The following INTS6L variants were observed in gnomAD, a reference collection of about 807,000 sequenced individuals.
INTS6L encodes integrator complex subunit 6 like.
A neutral mutation model predicts 64.7 loss-of-function variants in INTS6L; 18 were observed. The observed-to-expected ratio is 0.28, with a 90% CI of 0.19 to 0.41. INTS6L has a LOEUF of 0.41. Among genes scored for constraint, INTS6L ranks in the 10% least tolerant of loss-of-function variants. The pLI, the probability that INTS6L is intolerant of heterozygous loss-of-function variation, is 1.00. For missense variants in INTS6L, 533 were observed against 661.0 expected (o/e 0.81, Z 2.12); for synonymous variants, 227 against 235.9 (o/e 0.96, Z 0.34).
At chrX:135,554,027 G>A (rs1356714230) in intron 8 of INTS6L, among the ~76,000 whole-genome samples, 1 of 111,648 alleles carries the variant, frequency 9.0e-6, no homozygotes, top group African/African-American at 3.3e-5. Context: ...AGAATAAAAT[G>A]AACCAGTAGC....
intron 2 of INTS6L, among the ~76,000 whole-genome samples, chrX:135,539,630 C>G (rs1556511589): frequency 8.9e-6 from 1 of 112,344 alleles, no homozygotes; most frequent in Non-Finnish European, 1.9e-5. Context: ...GCCTAGCTAT[C>G]TCAGCTTTCG....
chrX:135,534,014 AG>A (rs2085981446), intron 2 of INTS6L, among the ~76,000 whole-genome samples: 1 of 110,749 alleles, frequency 9.0e-6, no homozygotes, highest in Non-Finnish European at 1.9e-5. Flanking sequence ...GGAGGAGAAA[AG>A]CTTCTAAAAT....
At position 135,581,564 on chromosome X, in the gene INTS6L, G is replaced by T; in HGVS notation, c.2625G>T (p.Lys875Asn). 1 of 1,209,456 alleles carries T rather than the reference G, an allele frequency of 8.3e-7. No homozygotes were observed. The highest frequency in any genetic ancestry group is 1.1e-6 in the Non-Finnish European group (1 of 894,282). ...GAGTCCTAATTCAGTACCTTGAGAA[G>T]GTACTAGAAAAAATAAATTCCCACC... Reference protein sequence around the residue: ...KRRVLIQYLEKVLEKINSHHL... With the variant: ...KRRVLIQYLENVLEKINSHHL... The change falls in exon 18 of 18, where the codon AAG becomes AAT. Residue 875 changes from lysine (K) to asparagine (N), a missense_variant. Lys to Asn is a moderately conservative substitution (Grantham distance 94, BLOSUM62 0). Transcript: ENST00000639893.
Position 135,581,802 on chromosome X carries a change from G to A in INTS6L, c.*166G>A, listed in dbSNP as rs1376617056. On this transcript the variant is annotated 3_prime_UTR_variant, in exon 18 of 18. Transcript: ENST00000639893. Reference sequence around the variant, plus strand: ...ATGATTATCTGGCAGTGAAAGCTGGGCTTTTGCCTTAATAATTTTTTAAAG... The same window carrying A: ...ATGATTATCTGGCAGTGAAAGCTGGACTTTTGCCTTAATAATTTTTTAAAG... The A allele has an allele frequency of 2.4e-6, 1 of 422,886 alleles. No individual in the cohort carries two copies. Among genetic ancestry groups the A allele is most frequent in the Non-Finnish European group, 4.1e-6 (1 of 244,389 alleles). The allele number at this position is 422,886 out of a possible 1,213,427, so 34.9% of individuals were successfully genotyped here.
intron 9 of INTS6L, among the ~76,000 whole-genome samples, chrX:135,564,774 TATG>T (rs1212339006): frequency 1.0e-4 from 11 of 109,766 alleles, no homozygotes; most frequent in African/African-American, 3.6e-4. Flanking sequence ...TGGTTCTTGG[TATG>T]ATGAGTGATT....
intron 9 of INTS6L, among the ~76,000 whole-genome samples, chrX:135,562,389 T>C (rs1418515514): frequency 6.2e-5 from 7 of 112,531 alleles, no homozygotes; most frequent in Non-Finnish European, 1.1e-4. Flanking sequence ...TCTACTCTTA[T>C]AAATATGTTG....
chrX:135,520,892 C>T lies in INTS6L; in HGVS notation c.-101C>T, dbSNP rs2148540334. ...CTCCCCCTCTTCCTCTTGCTCCTTGCTCCCCGGCTCTGCGAGAGTTGAGGG... is the reference window on the plus strand; with the variant it reads ...CTCCCCCTCTTCCTCTTGCTCCTTGTTCCCCGGCTCTGCGAGAGTTGAGGG... On this transcript the variant is annotated 5_prime_UTR_variant, in exon 1 of 18. Coordinates refer to ENST00000639893, the MANE Select transcript of INTS6L (RefSeq NM_001351601.3). 2.3e-6 allele frequency: 2 copies of T among 885,443 alleles called. No homozygotes were observed. The highest frequency in any genetic ancestry group is 1.6e-6 in the Non-Finnish European group (1 of 618,322). 73.0% of individuals were successfully genotyped at this position (885,443 alleles called of 1,213,427 possible).
chrX:135,574,150 C>T, intron 13 of INTS6L, 88 bp downstream of exon 13: 2 of 962,744 alleles, frequency 2.1e-6, no homozygotes, highest in East Asian at 7.1e-5. Flanking sequence ...AATGAGTAGG[C>T]TATTTTATAG....
Position 135,577,425 on chromosome X carries a change from C to G in INTS6L, c.2117C>G (p.Thr706Arg), listed in dbSNP as rs1556531726. ...CTCATAAAACCCACCCTTGTACATA[C>G]AGGTATAGAGTAGTGGTTGTGATTT... is the stretch of plus-strand genomic sequence containing the variant. ...PNLIKPTLVH[T>R]DATIIHDGHE... The change falls in exon 15 of 18, where the codon ACA becomes AGA. Residue 706 changes from threonine to arginine, a missense_variant and splice_region_variant. Transcript: ENST00000639893. 8.3e-7 allele frequency: 1 copy of G among 1,209,886 alleles called. No individual in the cohort carries two copies. The highest frequency in any genetic ancestry group is 1.1e-6 in the Non-Finnish European group (1 of 893,889).
intron 2 of INTS6L, among the ~76,000 whole-genome samples, chrX:135,542,916 C>G (rs1235672162): frequency 9.0e-6 from 1 of 111,731 alleles, no homozygotes; most frequent in Non-Finnish European, 1.9e-5. Context: ...TACAAGTTTG[C>G]CAAAGCCAGA....
At chrX:135,526,666 A>T (rs782302663) in intron 2 of INTS6L, among the ~76,000 whole-genome samples, 1 of 112,204 alleles carries the variant, frequency 8.9e-6, no homozygotes, top group Admixed American at 9.5e-5. Flanking sequence ...TTAGCATGTT[A>T]TATGGGGACT....
chrX:135,536,450 G>GT (rs1448525038), intron 2 of INTS6L, among the ~76,000 whole-genome samples: 1 of 111,522 alleles, frequency 9.0e-6, no homozygotes, highest in Non-Finnish European at 1.9e-5. Flanking sequence ...ATTATACTGT[G>GT]TTATAACATT....
At chrX:135,575,009 A>G (rs2087184931) in intron 13 of INTS6L, 75 bp from the exon 14 acceptor site, 3 of 1,112,561 alleles carry the variant, frequency 2.7e-6, no homozygotes, top group Non-Finnish European at 3.6e-6. Flanking sequence ...GCTAAACCAA[A>G]CTATGATCAT....
At chrX:135,524,185 A>T (rs1292817641) in intron 2 of INTS6L, among the ~76,000 whole-genome samples, 1 of 111,414 alleles carries the variant, frequency 9.0e-6, no homozygotes, top group Non-Finnish European at 1.9e-5. Flanking sequence ...TTAGGATCTA[A>T]CCAGCTTGGA....
In INTS6L at chrX:135,547,270, A is replaced by G; in HGVS notation, c.742+5A>G. Reference sequence around the variant, plus strand: ...ATCCACTTCCTATTGGAGAAGGTATAGTAGATAACTTTTTTAACCCTAAAG... The same window carrying G: ...ATCCACTTCCTATTGGAGAAGGTATGGTAGATAACTTTTTTAACCCTAAAG... On this transcript the variant is annotated splice_donor_5th_base_variant and intron_variant, in intron 6 of 17. Transcript: ENST00000639893. The G allele has an allele frequency of 3.3e-6, 4 of 1,198,289 alleles. No individual in the cohort carries two copies. The highest frequency in any genetic ancestry group is 4.5e-6 in the Non-Finnish European group (4 of 891,379).
At chrX:135,523,556 C>A (rs1004839949) in intron 2 of INTS6L, among the ~76,000 whole-genome samples, 9 of 112,055 alleles carry the variant, frequency 8.0e-5, no homozygotes, top group Non-Finnish European at 1.7e-4. Context: ...TTCTTAACAA[C>A]CATCATTACA....
At chrX:135,553,481 ATTTT>A (rs1162273649) in intron 8 of INTS6L, among the ~76,000 whole-genome samples, 6 of 80,779 alleles carry the variant, frequency 7.4e-5, no homozygotes, top group East Asian at 3.7e-4. Context: ...AATTTTTTAA[ATTTT>A]TTTTTTTTTT....
chrX:135,525,881 A>G (rs1008384005), intron 2 of INTS6L, among the ~76,000 whole-genome samples: 2 of 112,310 alleles, frequency 1.8e-5, no homozygotes, highest in Non-Finnish European at 3.8e-5. Flanking sequence ...ATTGACTTTT[A>G]CAACGAATTG....
intron 9 of INTS6L, among the ~76,000 whole-genome samples, 183 bp from the exon 10 acceptor site, chrX:135,569,154 A>G (rs2087025349): frequency 8.9e-6 from 1 of 111,879 alleles, no homozygotes; most frequent in Non-Finnish European, 1.9e-5. Context: ...AATTTATTTC[A>G]TTTTTTAGAA....
Sources: gnomAD v4.1 joint callset for allele counts (sites outside exome capture counted in the v4.1 genomes callset) on GRCh38, gnomAD v4.1.1 for gene constraint, MANE v1.5 for transcripts, NCBI Gene and HGNC (gene_info 2026-07-23, HGNC 2026-07-21) for gene names.